DLC1: variants seen among roughly 807,000 people sequenced by gnomAD.
DLC1 encodes the protein rho GTPase-activating protein 7.
In DLC1, 54 loss-of-function variants were observed where a neutral mutation model predicts 140.3. The observed-to-expected ratio is 0.38, with a 90% CI of 0.31 to 0.48. The LOEUF is 0.48. DLC1 is among the 20% of genes least tolerant of loss of function. The pLI is 0.96. For synonymous variants in DLC1, 986 were observed against 728.1 expected (o/e 1.35, Z -5.70); for missense variants, 2,536 against 1,907.0 (o/e 1.33, Z -6.14).
At chr8:13,193,822 A>G (rs1826899148) in intron 5 of DLC1, among the ~76,000 whole-genome samples, 1 of 152,224 alleles carries the variant, frequency 6.6e-6, no homozygotes, top group Non-Finnish European at 1.5e-5. Flanking sequence ...GAAATCTGCC[A>G]GTACTCATTG....
chr8:13,115,776 T>C, intron 5 of DLC1, 119 bp from the exon 6 acceptor site: 4 of 910,096 alleles, frequency 4.4e-6, no homozygotes, highest in Non-Finnish European at 6.9e-6. Context: ...AAAATACAGA[T>C]AAGCAAACAG....
At chr8:13,579,245 C>CATATAT (rs749246152) in intron 1 of DLC1, among the ~76,000 whole-genome samples, 301 of 18,898 alleles carry the variant, frequency 0.016, 73 homozygotes, top group South Asian at 0.052. Context: ...GAACAGGGAG[C>CATATAT]ATATATATAT....
chr8:13,401,566 A>C lies in DLC1; in HGVS notation c.1077T>G (p.Ile359Met), dbSNP rs568539212. ...CCTGATCAAGCTGGTCCAGTTTCATAATCAGCAGCACCATGGAGTCCAGCC... is the reference window on the plus strand; with the variant it reads ...CCTGATCAAGCTGGTCCAGTTTCATCATCAGCAGCACCATGGAGTCCAGCC... ...RARLDSMVLL[I>M]MKLDQLDQDI... Residue 359 changes from isoleucine to methionine, a missense_variant, in exon 3 of 18, where the codon ATT becomes ATG. By Grantham distance (10) the Ile-to-Met change is conservative. Coordinates refer to ENST00000276297, the MANE Select transcript of DLC1 (RefSeq NM_182643.3). The C allele has an allele frequency of 4.3e-6, 7 of 1,613,822 alleles. No individual in the cohort carries two copies. The African/African-American group carries it at 8.0e-5, about 18-fold the overall frequency.
At chr8:13,321,710 A>G (rs543231391) in intron 4 of DLC1, among the ~76,000 whole-genome samples, 1 of 152,160 alleles carries the variant, frequency 6.6e-6, no homozygotes, top group Non-Finnish European at 1.5e-5. Context: ...TAATTCATCC[A>G]GTTCTAAGGA....
chr8:13,253,390 T>G (rs1273097440), intron 5 of DLC1, among the ~76,000 whole-genome samples: 1 of 152,118 alleles, frequency 6.6e-6, no homozygotes, highest in Non-Finnish European at 1.5e-5. Context: ...TAACATGGCT[T>G]CTTGTGTAAG....
chr8:13,569,285 T>G (rs1257814614), intron 1 of DLC1, among the ~76,000 whole-genome samples: 2 of 152,158 alleles, frequency 1.3e-5, no homozygotes, highest in African/African-American at 2.4e-5. Flanking sequence ...TTTGCAAAAA[T>G]CAGCACAGAA....
At chr8:13,589,057 G>C (rs149277661) in intron 1 of DLC1, among the ~76,000 whole-genome samples, 1 of 152,124 alleles carries the variant, frequency 6.6e-6, no homozygotes, top group East Asian at 1.9e-4. Flanking sequence ...ATTATGGGTT[G>C]CTAGTGCACA....
At chr8:13,253,476 G>C (rs1198922480) in intron 5 of DLC1, among the ~76,000 whole-genome samples, 1 of 151,918 alleles carries the variant, frequency 6.6e-6, no homozygotes, top group Non-Finnish European at 1.5e-5. Context: ...GTTTAGATAT[G>C]TGCATAGGTG....
intron 5 of DLC1, among the ~76,000 whole-genome samples, chr8:13,123,060 G>C (rs1821235426): frequency 6.6e-6 from 1 of 152,172 alleles, no homozygotes; most frequent in Non-Finnish European, 1.5e-5. Context: ...AAGTGGAAAG[G>C]AAATTCACAG....
chr8:13,156,822 C>T lies in DLC1; in HGVS notation c.1349-41165G>A, dbSNP rs534264949. Among the ~76,000 whole-genome samples, 9 of 152,318 alleles carry T rather than the reference C, an allele frequency of 5.9e-5. No individual in the cohort carries two copies. The South Asian group carries it at 1.9e-3, about 32-fold the overall frequency. The stretch of plus-strand genomic sequence containing the variant: ...CTACTAGATTTATCCAGGGGCAACC[C>T]TATGCTTTGCCCCTTTGAAAATGGA... On this transcript the variant is annotated intron_variant, in intron 5 of 17. Coordinates refer to ENST00000276297, the MANE Select transcript of DLC1 (RefSeq NM_182643.3).
At chr8:13,160,420 C>A (rs1390384400) in intron 5 of DLC1, 1 of 152,196 alleles carries the variant, frequency 6.6e-6, no homozygotes, top group African/African-American at 2.4e-5. Context: ...AGTACCTGTT[C>A]CAGCTTGATT....
chr8:13,388,954 A>G (rs980533535), intron 4 of DLC1, among the ~76,000 whole-genome samples: 4 of 152,046 alleles, frequency 2.6e-5, no homozygotes, highest in Admixed American at 2.0e-4. Context: ...TAACAGCTCA[A>G]GCCAATTTAT....
In DLC1 at chr8:13,094,744, T is replaced by A; in HGVS notation, c.3526+15A>T. 6.2e-7 allele frequency: 1 copy of A among 1,614,072 alleles called. No homozygotes were observed. ...TTCCCCAATGCCAACAATCTTAAGA[T>A]CAAAGGACACTCACATTGGTAGATC... On this transcript the variant is annotated intron_variant, in intron 12 of 17. Coordinates refer to ENST00000276297, the MANE Select transcript of DLC1 (RefSeq NM_182643.3).
chr8:13,135,487 C>A (rs1822495983), intron 5 of DLC1, among the ~76,000 whole-genome samples: 1 of 151,890 alleles, frequency 6.6e-6, no homozygotes, highest in Non-Finnish European at 1.5e-5. Flanking sequence ...GGTCGAGAAG[C>A]CATTTTAATG....
chr8:13,555,644 A>C (rs62492128), intron 1 of DLC1, among the ~76,000 whole-genome samples: 10,330 of 150,756 alleles, frequency 0.069, 565 homozygotes, highest in Admixed American at 0.17. Context: ...GGTGCCCGCC[A>C]CCATGCCTAG....
At chr8:13,327,507 G>T (rs2116930189) in intron 4 of DLC1, among the ~76,000 whole-genome samples, 2 of 149,740 alleles carry the variant, frequency 1.3e-5, no homozygotes, top group East Asian at 3.9e-4. Context: ...GGTGGGGGTG[G>T]GGGTTTCTCA....
chr8:13,518,532 C>G (rs753217889), upstream of DLC1, among the ~76,000 whole-genome samples: 3 of 152,216 alleles, frequency 2.0e-5, no homozygotes, highest in Non-Finnish European at 4.4e-5. Flanking sequence ...CAGAATTATT[C>G]AGTGTCTCTC....
At chr8:13,406,888 C>T (rs1487236592) in intron 2 of DLC1, among the ~76,000 whole-genome samples, 3 of 152,178 alleles carry the variant, frequency 2.0e-5, no homozygotes, top group African/African-American at 7.2e-5. Flanking sequence ...AAGTATTTAG[C>T]TGACTGTGAG....
At chr8:13,437,082 T>C (rs1311245756) in intron 2 of DLC1, among the ~76,000 whole-genome samples, 3 of 152,188 alleles carry the variant, frequency 2.0e-5, no homozygotes, top group Non-Finnish European at 2.9e-5. Flanking sequence ...CCAATGAACT[T>C]CTACTTTCTC....
Sources: allele counts gnomAD v4.1 joint callset (sites outside exome capture counted in the v4.1 genomes callset), GRCh38; gene constraint gnomAD v4.1.1; transcripts MANE v1.5; gene names NCBI Gene and HGNC (gene_info 2026-07-23, HGNC 2026-07-21).